Variants in CNTN5 observed in about 807,000 individuals in gnomAD.
CNTN5 encodes contactin 5.
Under a neutral mutation model 129.1 loss-of-function variants are expected in CNTN5, and 77 were observed. The observed-to-expected ratio is 0.60, with a 90% CI of 0.50 to 0.72. The LOEUF (loss-of-function observed/expected upper bound fraction) is 0.72, where lower values mean the gene tolerates loss of function less well. CNTN5 is among the 30% of genes least tolerant of loss of function. The pLI, the probability that CNTN5 is intolerant of heterozygous loss-of-function variation, is 0.00. For synonymous variants in CNTN5, 509 were observed against 465.6 expected (o/e 1.09, Z -1.20); for missense variants, 1,478 against 1,328.8 (o/e 1.11, Z -1.75).
At chr11:99,906,021 T>G (rs1188428923) in intron 6 of CNTN5, among the ~76,000 whole-genome samples, 3 of 151,404 alleles carry the variant, frequency 2.0e-5, no homozygotes, top group African/African-American at 7.3e-5. Context: ...AGTTGCTTAT[T>G]AAGGAGATTT....
intron 3 of CNTN5, among the ~76,000 whole-genome samples, chr11:99,743,544 A>G (rs1943950908): frequency 6.6e-6 from 1 of 152,092 alleles, no homozygotes; most frequent in South Asian, 2.1e-4. Context: ...AGTACATATA[A>G]AGTCGTTAAG....
intron 3 of CNTN5, among the ~76,000 whole-genome samples, chr11:99,798,109 C>T (rs920835845): frequency 1.3e-5 from 2 of 152,052 alleles, no homozygotes; most frequent in African/African-American, 4.8e-5. Context: ...TTCCCTCCTC[C>T]TACCCTACCC....
At chr11:99,184,008 C>T (rs540302213) in intron 1 of CNTN5, among the ~76,000 whole-genome samples, 1 of 152,122 alleles carries the variant, frequency 6.6e-6, no homozygotes, top group Admixed American at 6.6e-5. Context: ...TTTCTTGAAC[C>T]TGTCCATGCA....
At position 100,149,763 on chromosome 11, in the gene CNTN5, C is replaced by T. The variant is rs1053800046; in HGVS notation, c.1581-41363C>T. Among the ~76,000 whole-genome samples, 5 of 151,668 alleles carry T rather than the reference C, an allele frequency of 3.3e-5. 1 individual carries two copies. The highest frequency in any genetic ancestry group is 4.2e-4 in the South Asian group (2 of 4,808). On this transcript the variant is annotated intron_variant, in intron 13 of 24. Transcript: ENST00000524871. ...CAAAAAAATTAGCCAGGCATGGTGG[C>T]GGGTGCCTGTAGTCCCAGCTACTTG... is the stretch of plus-strand genomic sequence containing the variant.
chr11:99,368,707 A>C (rs1939619469), intron 2 of CNTN5, among the ~76,000 whole-genome samples: 2 of 152,182 alleles, frequency 1.3e-5, no homozygotes, highest in Non-Finnish European at 2.9e-5. Context: ...AGTGCTTAGA[A>C]GGAAAACAAC....
At chr11:99,480,173 AG>A (rs1311751220) in intron 2 of CNTN5, among the ~76,000 whole-genome samples, 1 of 152,152 alleles carries the variant, frequency 6.6e-6, no homozygotes, top group South Asian at 2.1e-4. Flanking sequence ...TGTCTGTGGA[AG>A]TACACCTATT....
chr11:99,180,788 T>C (rs1858014714), intron 1 of CNTN5, among the ~76,000 whole-genome samples: 2 of 152,206 alleles, frequency 1.3e-5, no homozygotes, highest in African/African-American at 4.8e-5. Flanking sequence ...CACAGGAGAA[T>C]TAGAAGCACA....
chr11:99,585,340 G>A (rs980210465), intron 3 of CNTN5, among the ~76,000 whole-genome samples: 2 of 151,984 alleles, frequency 1.3e-5, no homozygotes, highest in African/African-American at 4.8e-5. Context: ...GTTTTCTTTA[G>A]CTGCTTCAAA....
At chr11:99,641,900 T>G (rs1443763876) in intron 3 of CNTN5, among the ~76,000 whole-genome samples, 2 of 152,180 alleles carry the variant, frequency 1.3e-5, no homozygotes, top group Non-Finnish European at 2.9e-5. Flanking sequence ...AGAGCGTTAC[T>G]TCTTCCTCAT....
intron 15 of CNTN5, among the ~76,000 whole-genome samples, chr11:100,209,253 TGTG>T (rs1047088536): frequency 6.6e-6 from 1 of 152,228 alleles, no homozygotes; most frequent in African/African-American, 2.4e-5. Context: ...TGTGGTGTGA[TGTG>T]GAGGAGAGAG....
chr11:99,058,888 G>A (rs1444853783), intron 1 of CNTN5, among the ~76,000 whole-genome samples: 1 of 151,072 alleles, frequency 6.6e-6, no homozygotes. Context: ...GGAGGTTGGG[G>A]AGAAAGGGAA....
chr11:99,824,204 T>C (rs1054731932), intron 4 of CNTN5, among the ~76,000 whole-genome samples: 4 of 152,102 alleles, frequency 2.6e-5, no homozygotes, highest in Non-Finnish European at 4.4e-5. Flanking sequence ...TTCCAGATAC[T>C]GTCAAATTGC....
At chr11:100,001,035 T>C (rs1220636670) in intron 8 of CNTN5, among the ~76,000 whole-genome samples, 1 of 152,238 alleles carries the variant, frequency 6.6e-6, no homozygotes, top group Non-Finnish European at 1.5e-5. Flanking sequence ...GAGGGGCTGC[T>C]ATGAAGATCT....
rs1951048718 is a variant in CNTN5, at chr11:100,293,861, G to A, written c.2315-3764G>A. ...GGTTTTTCTGGGCGGGTTGGGGGAT[G>A]GTGGGCAAGGGGAACTCCTTCAATT... On this transcript the variant is annotated intron_variant, in intron 18 of 24. Transcript: ENST00000524871. Among the ~76,000 whole-genome samples, 5 of 151,664 alleles carry A rather than the reference G, an allele frequency of 3.3e-5. No individual in the cohort carries two copies. In the South Asian group the frequency reaches 1.0e-3, roughly 31 times the overall value.
At chr11:99,186,484 G>A (rs896874533) in intron 1 of CNTN5, among the ~76,000 whole-genome samples, 1 of 151,770 alleles carries the variant, frequency 6.6e-6, no homozygotes, top group African/African-American at 2.4e-5. Flanking sequence ...AATTGAACTG[G>A]GTTTTTGTAT....
intron 3 of CNTN5, among the ~76,000 whole-genome samples, chr11:99,729,826 CT>C (rs1224297718): frequency 1.3e-5 from 2 of 152,120 alleles, no homozygotes; most frequent in Non-Finnish European, 2.9e-5. Flanking sequence ...CATGTTCTCA[CT>C]TATAAGTGGG....
At chr11:99,365,369 C>T (rs1229338986) in intron 2 of CNTN5, among the ~76,000 whole-genome samples, 2 of 152,190 alleles carry the variant, frequency 1.3e-5, no homozygotes, top group Admixed American at 6.6e-5. Context: ...TTTCCAACTT[C>T]ATACTTTTAG....
intron 3 of CNTN5, among the ~76,000 whole-genome samples, chr11:99,792,171 C>T (rs1237341): frequency 0.69 from 104,512 of 151,846 alleles, 36,039 homozygotes; most frequent in East Asian, 0.73. Flanking sequence ...ACTCTTTCCT[C>T]GTTCCAGTTC....
intron 3 of CNTN5, among the ~76,000 whole-genome samples, chr11:99,576,954 A>C (rs969215546): frequency 1.3e-5 from 2 of 152,200 alleles, no homozygotes; most frequent in African/African-American, 2.4e-5. Context: ...AAACATTCAG[A>C]CCACAGCACA....
Sources: allele counts gnomAD v4.1 joint callset (sites outside exome capture counted in the v4.1 genomes callset), GRCh38; gene constraint gnomAD v4.1.1; transcripts MANE v1.5; gene names NCBI Gene and HGNC (gene_info 2026-07-23, HGNC 2026-07-21).